The following CDH7 variants were observed in gnomAD, a reference collection of about 807,000 sequenced individuals.
The protein encoded by CDH7 is cadherin-7.
In CDH7, 25 loss-of-function variants were observed where a neutral mutation model predicts 71.8. The observed-to-expected ratio is 0.35, with a 90% confidence interval of 0.25 to 0.49. The LOEUF is 0.49. Ranked by LOEUF, CDH7 falls within the 20% of genes least tolerant of loss-of-function variation. CDH7 has a pLI of 0.99. For missense variants in CDH7, 862 were observed against 974.6 expected, an observed-to-expected ratio of 0.88 and a Z score of 1.54; for synonymous variants, 381 against 363.8, an observed-to-expected ratio of 1.05 and a Z score of -0.54.
rs1568181291 is a variant in CDH7 at position 65,781,776 on chromosome 18, T to TTTCTTTCTTTCTTTCTTTCTTTCTTTCTA, written c.210+18725_210+18726insTCTTTCTTTCTTTCTTTCTTTCTTTCTAT. On this transcript the variant is annotated intron_variant, in intron 2 of 11. Coordinates refer to ENST00000397968, the MANE Select transcript of CDH7 (RefSeq NM_004361.5). ...TTTCTTTCTTTCTTTCTTTCCTTCC[T>TTTCTTTCTTTCTTTCTTTCTTTCTTTCTA]TCCTTCCTTCCTTCCTTCCTTCCTT... 2.1e-4 allele frequency among the ~76,000 whole-genome samples: 12 copies of TTTCTTTCTTTCTTTCTTTCTTTCTTTCTA among 56,944 alleles called. 2 individuals carry two copies. Among genetic ancestry groups the TTTCTTTCTTTCTTTCTTTCTTTCTTTCTA allele is most frequent in the South Asian group, 8.5e-4 (1 of 1,176 alleles). The allele number at this position is 56,944 out of a possible 152,430, so 37.4% of individuals were successfully genotyped here. A position where few individuals can be genotyped will look rare whatever the true frequency, so the allele number is the denominator to read the frequency against.
chr18:65,850,057 G>T (rs1913090538), intron 7 of CDH7, among the ~76,000 whole-genome samples: 1 of 151,238 alleles, frequency 6.6e-6, no homozygotes, highest in Admixed American at 6.6e-5. Flanking sequence ...CCAGCTACTC[G>T]GGAGGCTGAG....
At chr18:65,854,837 A>G (rs1275861076) in intron 7 of CDH7, among the ~76,000 whole-genome samples, 1 of 152,084 alleles carries the variant, frequency 6.6e-6, no homozygotes, top group African/African-American at 2.4e-5. Flanking sequence ...TCCTATTGCC[A>G]TTAGATATGA....
intron 2 of CDH7, among the ~76,000 whole-genome samples, chr18:65,794,169 C>T (rs1910819836): frequency 8.8e-6 from 1 of 113,056 alleles, no homozygotes; most frequent in African/African-American, 5.5e-5. Flanking sequence ...TGATAATACA[C>T]AGTTTTTTTT....
At chr18:65,816,767 T>A (rs1435798637) in intron 4 of CDH7, among the ~76,000 whole-genome samples, 1 of 152,150 alleles carries the variant, frequency 6.6e-6, no homozygotes, top group African/African-American at 2.4e-5. Context: ...GTGTTGACAG[T>A]TGACTTTAAC....
At chr18:65,851,658 T>A (rs1913154928) in intron 7 of CDH7, among the ~76,000 whole-genome samples, 1 of 152,230 alleles carries the variant, frequency 6.6e-6, no homozygotes, top group South Asian at 2.1e-4. Flanking sequence ...GAAACCCTCT[T>A]GTTATGTAGC....
chr18:65,877,818 A>G (rs140704767), intron 11 of CDH7, among the ~76,000 whole-genome samples: 31 of 152,356 alleles, frequency 2.0e-4, no homozygotes, highest in African/African-American at 5.8e-4. Flanking sequence ...AAAGTTGTAT[A>G]TGAATATAAA....
intron 6 of CDH7, among the ~76,000 whole-genome samples, chr18:65,835,603 C>A (rs901245646): frequency 6.6e-6 from 1 of 152,150 alleles, no homozygotes; most frequent in Admixed American, 6.5e-5. Flanking sequence ...ATGTATGAAA[C>A]CCTCTAGAAG....
At chr18:65,848,093 TTATC>T (rs1912999062) in intron 7 of CDH7, among the ~76,000 whole-genome samples, 1 of 152,100 alleles carries the variant, frequency 6.6e-6, no homozygotes, top group Non-Finnish European at 1.5e-5. Context: ...ATATCGGGCT[TTATC>T]TATTGAACTT....
intron 2 of CDH7, among the ~76,000 whole-genome samples, chr18:65,767,700 G>A (rs1423164795): frequency 6.6e-6 from 1 of 152,174 alleles, no homozygotes; most frequent in African/African-American, 2.4e-5. Flanking sequence ...GCTGATAGAT[G>A]TGTGGAATTC....
intron 4 of CDH7, among the ~76,000 whole-genome samples, chr18:65,818,194 A>G (rs982370840): frequency 1.3e-5 from 2 of 152,214 alleles, no homozygotes; most frequent in African/African-American, 2.4e-5. Context: ...ATGTCTATAC[A>G]TCCCATTCTC....
intron 10 of CDH7, among the ~76,000 whole-genome samples, chr18:65,861,131 T>C (rs1446804102): frequency 1.3e-5 from 2 of 152,178 alleles, no homozygotes; most frequent in East Asian, 3.9e-4. Context: ...TCAGCATTTA[T>C]AGGACATCCA....
intron 2 of CDH7, chr18:65,803,449 A>G (rs917154756): frequency 6.6e-6 from 1 of 152,164 alleles, no homozygotes. Context: ...TTGTTTGTAA[A>G]ACAATTAATA....
rs61611288 is a variant in CDH7, at chr18:65,766,885, T to TAAAAAAAA, written c.210+3863_210+3870dup. ...CTTAACGTCCTGTAACTGTCTGACG[T>TAAAAAAAA]AAAAAAAAAAAAAAAAAAAAAAAAA... On this transcript the variant is annotated intron_variant, in intron 2 of 11. Coordinates refer to ENST00000397968, the MANE Select transcript of CDH7 (RefSeq NM_004361.5). Among the ~76,000 whole-genome samples the TAAAAAAAA allele has an allele frequency of 4.3e-4, 38 of 88,620 alleles. 3 individuals are homozygous for TAAAAAAAA. Among genetic ancestry groups the TAAAAAAAA allele is most frequent in the Non-Finnish European group, 7.6e-4 (28 of 36,666 alleles). The allele number at this position is 88,620 out of a possible 152,430, so 58.1% of individuals were successfully genotyped here. A position where few individuals can be genotyped will look rare whatever the true frequency, so the allele number is the denominator to read the frequency against.
rs981433071 is a variant in CDH7, at chr18:65,889,622, A to G, written c.*8728A>G. 3 of 152,208 alleles carry G rather than the reference A, an allele frequency of 2.0e-5. No homozygotes were observed. The highest frequency in any genetic ancestry group is 4.4e-5 in the Non-Finnish European group (3 of 68,036). The allele number at this position is 152,208 out of a possible 1,614,324, so 9.4% of individuals were successfully genotyped here. ...AGCTTTGTGTAAAATACAGAATACA[A>G]CACAAGGAATAATGAAAAGATGATC... On this transcript the variant is annotated 3_prime_UTR_variant, in exon 12 of 12. Coordinates refer to ENST00000397968, the MANE Select transcript of CDH7 (RefSeq NM_004361.5).
chr18:65,808,551 G>A (rs1375763681), intron 2 of CDH7, among the ~76,000 whole-genome samples: 1 of 152,200 alleles, frequency 6.6e-6, no homozygotes, highest in Non-Finnish European at 1.5e-5. Flanking sequence ...GTACTTGGAA[G>A]CAGAGGATAA....
intron 7 of CDH7, among the ~76,000 whole-genome samples, chr18:65,857,551 A>C (rs1913409518): frequency 6.6e-6 from 1 of 151,934 alleles, no homozygotes; most frequent in Non-Finnish European, 1.5e-5. Context: ...AGTTCTAATG[A>C]CATATTCAAA....
intron 2 of CDH7, among the ~76,000 whole-genome samples, chr18:65,768,039 G>A (rs928226772): frequency 7.9e-5 from 12 of 152,100 alleles, no homozygotes; most frequent in African/African-American, 2.9e-4. Flanking sequence ...TTATATGCCT[G>A]ATTATAGCCA....
At chr18:65,784,113 ATTTTTT>A (rs72393865) in intron 2 of CDH7, among the ~76,000 whole-genome samples, 1 of 106,812 alleles carries the variant, frequency 9.4e-6, no homozygotes. Flanking sequence ...ACCCACAGCT[ATTTTTT>A]TTTTTTTTTT....
intron 10 of CDH7, 117 bp from the exon 11 acceptor site, chr18:65,862,549 C>A (rs967651108): frequency 1.6e-5 from 16 of 998,324 alleles, no homozygotes; most frequent in Non-Finnish European, 2.4e-5. Context: ...AATAAATCTG[C>A]AACTCCAGAG....
Sources: gnomAD v4.1 joint callset for allele counts (sites outside exome capture counted in the v4.1 genomes callset) on GRCh38, gnomAD v4.1.1 for gene constraint, MANE v1.5 for transcripts, NCBI Gene and HGNC (gene_info 2026-07-23, HGNC 2026-07-21) for gene names.